ERBB4: variants seen among roughly 807,000 people sequenced by gnomAD.
ERBB4 encodes receptor tyrosine-protein kinase erbB-4.
ERBB4 carries 42 observed loss-of-function variants against 158.0 expected under a neutral mutation model. The observed-to-expected ratio is 0.27, with a 90% CI of 0.21 to 0.34. The LOEUF (loss-of-function observed/expected upper bound fraction) is 0.34, where lower values mean the gene tolerates loss of function less well. ERBB4 is among the 10% of genes least tolerant of loss of function. The probability of loss-of-function intolerance (pLI) is 1.00; values close to 1 mark genes in which losing one functional copy is unlikely to be tolerated. For synonymous variants in ERBB4, 583 were observed against 558.7 expected (o/e 1.04, Z -0.61); for missense variants, 1,333 against 1,624.1 (o/e 0.82, Z 3.08).
chr2:212,221,801 G>T (rs2105955516), intron 1 of ERBB4, among the ~76,000 whole-genome samples: 1 of 151,574 alleles, frequency 6.6e-6, no homozygotes, highest in Non-Finnish European at 1.5e-5. Flanking sequence ...AGACCCAAAT[G>T]TGACTTTCCT....
At chr2:212,216,126 G>A (rs565504688) in intron 1 of ERBB4, among the ~76,000 whole-genome samples, 1 of 151,392 alleles carries the variant, frequency 6.6e-6, no homozygotes, top group South Asian at 2.1e-4. Context: ...TGTTATAGTT[G>A]TATCATATAT....
chr2:211,806,671 T>C (rs538804733), intron 3 of ERBB4, among the ~76,000 whole-genome samples: 14 of 152,214 alleles, frequency 9.2e-5, no homozygotes, highest in Admixed American at 3.3e-4. Flanking sequence ...GGGACTGATA[T>C]AATGCATCAT....
At chr2:211,779,917 C>T (rs1258224047) in intron 4 of ERBB4, among the ~76,000 whole-genome samples, 1 of 152,140 alleles carries the variant, frequency 6.6e-6, no homozygotes, top group East Asian at 1.9e-4. Flanking sequence ...CTCAATGGCT[C>T]ATCCAGTTCA....
At chr2:212,507,343 C>T (rs751360268) in intron 1 of ERBB4, among the ~76,000 whole-genome samples, 29 of 152,128 alleles carry the variant, frequency 1.9e-4, no homozygotes, top group Non-Finnish European at 4.0e-4. Flanking sequence ...TCTATTCTGC[C>T]GCTCATTACT....
At chr2:212,493,515 C>T (rs1690396968) in intron 1 of ERBB4, among the ~76,000 whole-genome samples, 1 of 151,518 alleles carries the variant, frequency 6.6e-6, no homozygotes, top group South Asian at 2.1e-4. Flanking sequence ...ATTCCACATA[C>T]TAAAAAACTT....
intron 25 of ERBB4, among the ~76,000 whole-genome samples, chr2:211,418,751 G>T (rs900051346): frequency 1.4e-4 from 21 of 151,944 alleles, no homozygotes; most frequent in South Asian, 4.1e-4. Flanking sequence ...AAATACAAGG[G>T]TATATAATTT....
At chr2:212,147,830 A>G (rs2080733488) in intron 1 of ERBB4, among the ~76,000 whole-genome samples, 1 of 152,164 alleles carries the variant, frequency 6.6e-6, no homozygotes, top group Non-Finnish European at 1.5e-5. Context: ...TTCTAAACTG[A>G]GGTAACATAA....
chr2:212,143,609 G>T (rs1482142700), intron 1 of ERBB4, among the ~76,000 whole-genome samples: 2 of 151,914 alleles, frequency 1.3e-5, no homozygotes, highest in African/African-American at 4.8e-5. Context: ...CTAGAAATGG[G>T]TTAAATAAAA....
chr2:211,509,855 C>T (rs1375567255), intron 20 of ERBB4, among the ~76,000 whole-genome samples: 3 of 152,060 alleles, frequency 2.0e-5, no homozygotes, highest in African/African-American at 7.2e-5. Flanking sequence ...ACCAACATCA[C>T]TAATCATTGT....
chr2:212,442,183 G>A (rs1441035232), intron 1 of ERBB4, among the ~76,000 whole-genome samples: 1 of 152,116 alleles, frequency 6.6e-6, no homozygotes, highest in Non-Finnish European at 1.5e-5. Flanking sequence ...AAATTGATAG[G>A]AAGCCTACTG....
chr2:212,498,413 C>T (rs994959509), intron 1 of ERBB4, among the ~76,000 whole-genome samples: 1 of 152,124 alleles, frequency 6.6e-6, no homozygotes, highest in Non-Finnish European at 1.5e-5. Flanking sequence ...TATGCTTTAG[C>T]CAATGTAGAA....
chr2:211,997,627 C>T (rs1440993989), intron 2 of ERBB4, among the ~76,000 whole-genome samples: 1 of 151,988 alleles, frequency 6.6e-6, no homozygotes, highest in Non-Finnish European at 1.5e-5. Flanking sequence ...CACATACACA[C>T]TTAAATTAGG....
At chr2:212,377,567 A>G (rs916517069) in intron 1 of ERBB4, among the ~76,000 whole-genome samples, 1 of 151,306 alleles carries the variant, frequency 6.6e-6, no homozygotes, top group African/African-American at 2.4e-5. Context: ...TGCAGCAAGG[A>G]TGATAAAAAA....
intron 1 of ERBB4, among the ~76,000 whole-genome samples, chr2:212,468,971 T>C (rs1560412666): frequency 6.6e-6 from 1 of 152,222 alleles, no homozygotes; most frequent in South Asian, 2.1e-4. Context: ...CAGTAGGCCA[T>C]TGTTGATTTG....
chr2:211,669,754 C>A (rs1465345141), intron 14 of ERBB4, among the ~76,000 whole-genome samples: 1 of 152,054 alleles, frequency 6.6e-6, no homozygotes, highest in Non-Finnish European at 1.5e-5. Context: ...AGCATTTTAT[C>A]CCTATTGCAC....
intron 1 of ERBB4, among the ~76,000 whole-genome samples, chr2:212,377,087 G>T (rs766641598): frequency 1.3e-5 from 2 of 151,496 alleles, no homozygotes; most frequent in Non-Finnish European, 2.9e-5. Context: ...ATTGCCTTTG[G>T]TGCCACTGCT....
At chr2:211,994,336 T>G (rs2082147297) in intron 2 of ERBB4, among the ~76,000 whole-genome samples, 1 of 152,134 alleles carries the variant, frequency 6.6e-6, no homozygotes, top group South Asian at 2.1e-4. Flanking sequence ...TTTTGCTATG[T>G]TGCCAAGTCT....
At chr2:211,430,773 T>TCATATACACACAC (rs149101807) in intron 21 of ERBB4, among the ~76,000 whole-genome samples, 172 bp downstream of exon 21, 7 of 151,340 alleles carry the variant, frequency 4.6e-5, no homozygotes, top group Non-Finnish European at 7.4e-5. Flanking sequence ...ATATGATATA[T>TCATATACACACAC]ATATACACAC....
chr2:212,389,683 C>T (rs982383990), intron 1 of ERBB4, among the ~76,000 whole-genome samples: 2 of 151,912 alleles, frequency 1.3e-5, no homozygotes, highest in African/African-American at 4.8e-5. Flanking sequence ...GTGCACAGTA[C>T]ATTAATATTA....
Sources: gnomAD v4.1 joint callset for allele counts (sites outside exome capture counted in the v4.1 genomes callset) on GRCh38, gnomAD v4.1.1 for gene constraint, MANE v1.5 for transcripts, NCBI Gene and HGNC (gene_info 2026-07-23, HGNC 2026-07-21) for gene names.